Variants in DMXL2 observed in about 807,000 individuals in gnomAD.
DMXL2 encodes the protein dmX-like protein 2.
DMXL2 carries 103 observed loss-of-function variants against 331.1 expected under a neutral mutation model. That is an observed-to-expected ratio of 0.31 (90% CI 0.27 to 0.37). DMXL2 has a LOEUF of 0.37. Among genes scored for constraint, DMXL2 ranks in the 10% least tolerant of loss-of-function variants. The probability of loss-of-function intolerance (pLI) is 1.00; values close to 1 mark genes in which losing one functional copy is unlikely to be tolerated. For missense variants in DMXL2, 3,171 were observed against 3,642.9 expected (o/e 0.87, Z 3.33); for synonymous variants, 1,281 against 1,252.1 (o/e 1.02, Z -0.49).
At chr15:51,545,891 C>T (rs2048862366) in intron 7 of DMXL2, 125 bp from the exon 8 acceptor site, 1 of 714,862 alleles carries the variant, frequency 1.4e-6, no homozygotes. Context: ...AGGAATCAAT[C>T]AAAGAGCTTG....
At chr15:51,505,426 A>G (rs2046344615) in intron 16 of DMXL2, among the ~76,000 whole-genome samples, 2 of 152,220 alleles carry the variant, frequency 1.3e-5, no homozygotes, top group African/African-American at 4.8e-5. Context: ...TCCTCCCACA[A>G]GGACCTGTTA....
In DMXL2 at chr15:51,450,222, G is replaced by A; in HGVS notation, c.8874C>T (p.His2958=). The A allele has an allele frequency of 1.2e-6, 2 of 1,614,108 alleles. No individual in the cohort carries two copies. The highest frequency in any genetic ancestry group is 8.5e-7 in the Non-Finnish European group (1 of 1,180,002). Residue 2958 remains histidine, a synonymous_variant, in exon 43 of 44, where the codon CAC becomes CAT. Coordinates refer to ENST00000560891, the MANE Select transcript of DMXL2 (RefSeq NM_001378457.1). ...IFDIRQRQLI[H]TFQAHDSAIK... ...TAGCTGAGTCATGGGCCTGGAACGT[G>A]TGAATGAGCTGCCTTTGCCTGATGT...
chr15:51,562,742 T>C lies in DMXL2; in HGVS notation c.567+639A>G, dbSNP rs541517812. Among the ~76,000 whole-genome samples the C allele has an allele frequency of 4.6e-5, 7 of 152,252 alleles. No homozygotes were observed. In the South Asian group the frequency reaches 1.2e-3, roughly 27 times the overall value. On this transcript the variant is annotated intron_variant, in intron 6 of 43. Coordinates refer to ENST00000560891, the MANE Select transcript of DMXL2 (RefSeq NM_001378457.1). ...TGTACAATCTTAATAACATAAACAA[T>C]AACTTCTGATTTACCCAAAATCATG...
At chr15:51,549,647 C>G (rs7162361) in intron 6 of DMXL2, among the ~76,000 whole-genome samples, 78,385 of 151,872 alleles carry the variant, frequency 0.52, 20,394 homozygotes, top group African/African-American at 0.53. Context: ...TTGATTATGG[C>G]CATTCTTGCA....
intron 6 of DMXL2, among the ~76,000 whole-genome samples, chr15:51,555,440 A>C (rs989472873): frequency 1.1e-4 from 16 of 152,210 alleles, no homozygotes; most frequent in Admixed American, 8.5e-4. Flanking sequence ...TCAGCATACA[A>C]AAATGGCATT....
At chr15:51,594,902 T>C (rs1237292248) in intron 1 of DMXL2, among the ~76,000 whole-genome samples, 2 of 152,182 alleles carry the variant, frequency 1.3e-5, no homozygotes, top group Non-Finnish European at 2.9e-5. Context: ...TAGGTATTGA[T>C]GGGTTGTATG....
chr15:51,536,451 G>A lies in DMXL2; in HGVS notation c.2029C>T (p.Pro677Ser), dbSNP rs748193528. 13 of 1,613,992 alleles carry A rather than the reference G, an allele frequency of 8.1e-6. No homozygotes were observed. The South Asian group carries it at 1.4e-4, about 18-fold the overall frequency. Residue 677 changes from proline (P) to serine (S), a missense_variant, in exon 12 of 44, where the codon CCT becomes TCT. Pro to Ser is a moderately conservative substitution (Grantham distance 74, BLOSUM62 -1). Transcript: ENST00000560891. ...GAGTCCCACTGACAATCTAATTCAG[G>A]AGTCAATAGAGCATTATGATGAGAG... ...TSSHHNALLTPELDCQWDSDN... is the reference protein window; with the variant it reads ...TSSHHNALLTSELDCQWDSDN...
intron 15 of DMXL2, among the ~76,000 whole-genome samples, chr15:51,511,853 T>C (rs1946560193): frequency 6.6e-6 from 1 of 152,190 alleles, no homozygotes. Context: ...TGGAATACTA[T>C]GCAGCCATAA....
intron 23 of DMXL2, among the ~76,000 whole-genome samples, chr15:51,485,290 C>T (rs1027917070): frequency 6.6e-6 from 1 of 152,204 alleles, no homozygotes; most frequent in African/African-American, 2.4e-5. Flanking sequence ...AAGATCCTCT[C>T]CAAGGCACAT....
At chr15:51,565,406 C>T (rs1216409400) in intron 3 of DMXL2, among the ~76,000 whole-genome samples, 10 of 152,106 alleles carry the variant, frequency 6.6e-5, no homozygotes, top group African/African-American at 7.2e-5. Context: ...GGTTCTCTCA[C>T]GCTTTTTCTC....
intron 1 of DMXL2, among the ~76,000 whole-genome samples, chr15:51,610,988 G>C (rs1049282033): frequency 1.3e-5 from 2 of 152,038 alleles, no homozygotes; most frequent in African/African-American, 4.8e-5. Flanking sequence ...AGAGAATGCA[G>C]ATCTTGGAAG....
chr15:51,529,073 C>T (rs566245185), intron 13 of DMXL2, among the ~76,000 whole-genome samples: 15 of 151,916 alleles, frequency 9.9e-5, no homozygotes, highest in African/African-American at 3.1e-4. Flanking sequence ...ATAATGAAAA[C>T]ATGACATACC....
chr15:51,597,563 A>G (rs983098192), intron 1 of DMXL2, among the ~76,000 whole-genome samples: 1 of 152,212 alleles, frequency 6.6e-6, no homozygotes, highest in African/African-American at 2.4e-5. Context: ...TCTAATGTTG[A>G]TGGACATTTT....
intron 6 of DMXL2, among the ~76,000 whole-genome samples, chr15:51,558,669 GC>G (rs2049757687): frequency 1.3e-5 from 2 of 152,242 alleles, no homozygotes; most frequent in East Asian, 3.9e-4. Context: ...TAACTGCTGA[GC>G]AATAAAACAG....
intron 1 of DMXL2, among the ~76,000 whole-genome samples, chr15:51,618,863 C>T (rs1433277594): frequency 2.0e-5 from 3 of 152,144 alleles, no homozygotes; most frequent in Non-Finnish European, 4.4e-5. Context: ...ATTTTAATCT[C>T]TGCCAGTATA....
At chr15:51,549,560 G>A (rs1209993810) in intron 6 of DMXL2, among the ~76,000 whole-genome samples, 2 of 152,084 alleles carry the variant, frequency 1.3e-5, no homozygotes, top group African/African-American at 4.8e-5. Flanking sequence ...GGTTGTACTA[G>A]TTTACATTCC....
At chr15:51,468,959 A>AAGAGAG (rs139561448) in intron 29 of DMXL2, among the ~76,000 whole-genome samples, 1 of 149,290 alleles carries the variant, frequency 6.7e-6, no homozygotes, top group African/African-American at 2.4e-5. Context: ...AAGTTAAAAA[A>AAGAGAG]AGAGAGAGAG....
chr15:51,567,982 T>C (rs1397106190), intron 3 of DMXL2: 3 of 152,634 alleles, frequency 2.0e-5, no homozygotes, highest in African/African-American at 4.8e-5. Context: ...ACTTGGGAGG[T>C]TGAGGTGGGA....
At position 51,501,065 on chromosome 15, in the gene DMXL2, G is replaced by A. The variant is rs138334062; in HGVS notation, c.2993-834C>T. ...TCTGTAAAATATAATTTATTATCAC[G>A]AACTCCAATAAACTTATTTGAGTAT... is the stretch of plus-strand genomic sequence containing the variant. On this transcript the variant is annotated intron_variant, in intron 17 of 43. Coordinates refer to ENST00000560891, the MANE Select transcript of DMXL2 (RefSeq NM_001378457.1). 3.7e-3 allele frequency among the ~76,000 whole-genome samples: 570 copies of A among 152,028 alleles called. 3 individuals carry two copies. The highest frequency in any genetic ancestry group is 0.013 in the African/African-American group (547 of 41,466).
Sources: allele counts gnomAD v4.1 joint callset (sites outside exome capture counted in the v4.1 genomes callset), GRCh38; gene constraint gnomAD v4.1.1; transcripts MANE v1.5; gene names NCBI Gene and HGNC (gene_info 2026-07-23, HGNC 2026-07-21).